SVEP1: variants seen among roughly 807,000 people sequenced by gnomAD.
SVEP1 encodes the protein sushi, von Willebrand factor type A, EGF and pentraxin domain containing 1.
A neutral mutation model predicts 367.3 loss-of-function variants in SVEP1; 164 were observed. That is an observed-to-expected ratio of 0.45 (90% confidence interval 0.39 to 0.51). The LOEUF (loss-of-function observed/expected upper bound fraction) is 0.51, where lower values mean the gene tolerates loss of function less well. SVEP1 is among the 20% of genes least tolerant of loss of function. The pLI, the probability that SVEP1 is intolerant of heterozygous loss-of-function variation, is 0.00. For synonymous variants in SVEP1, 1,666 were observed against 1,611.6 expected (o/e 1.03, Z -0.81); for missense variants, 4,117 against 4,425.3 (o/e 0.93, Z 1.98).
chr9:110,471,523 C>T lies in SVEP1; in HGVS notation c.2839G>A (p.Glu947Lys). 2 of 1,613,892 alleles carry T rather than the reference C, an allele frequency of 1.2e-6. No homozygotes were observed. Among genetic ancestry groups the T allele is most frequent in the Non-Finnish European group, 1.7e-6 (2 of 1,179,858 alleles). ...CTTTTCAGTTTATTTGTGATAGTTTCCAATGTCTGAAGGAGTCGTTGCTGA... is the reference window on the plus strand; with the variant it reads ...CTTTTCAGTTTATTTGTGATAGTTTTCAATGTCTGAAGGAGTCGTTGCTGA... ...ENQQRLLQTL[E>K]TITNKLKRTL... The change falls in exon 16 of 48, where the codon GAA becomes AAA. Residue 947 changes from glutamate to lysine, a missense_variant. Physicochemically the swap from Glu to Lys is moderately conservative, Grantham distance 56. Coordinates refer to ENST00000374469, the MANE Select transcript of SVEP1 (RefSeq NM_153366.4).
chr9:110,387,936 A>C (rs964352757), intron 41 of SVEP1, among the ~76,000 whole-genome samples: 1 of 144,366 alleles, frequency 6.9e-6, no homozygotes, highest in Non-Finnish European at 1.5e-5. Context: ...ATAAGTTTAC[A>C]TTTAAATTAT....
rs1588024412 is a variant in SVEP1, at chr9:110,386,010, A to G, written c.10125T>C (p.Tyr3375=). ...ENALLSEKEF[Y]VDQNVSIKCR... The stretch of plus-strand genomic sequence containing the variant: ...ATTTGATGGACACATTCTGATCAAC[A>G]TAAAACTCCTTTTCAGACAGCAGAG... The change falls in exon 43 of 48, where the codon TAT becomes TAC. Residue 3375 remains tyrosine, a synonymous_variant. Coordinates refer to ENST00000374469, the MANE Select transcript of SVEP1 (RefSeq NM_153366.4). 3 of 1,613,996 alleles carry G rather than the reference A, an allele frequency of 1.9e-6. No homozygotes were observed. Among genetic ancestry groups the G allele is most frequent in the African/African-American group, 1.3e-5 (1 of 75,062 alleles).
chr9:110,554,173 T>G (rs1662653155), intron 1 of SVEP1, among the ~76,000 whole-genome samples: 1 of 148,286 alleles, frequency 6.7e-6, no homozygotes, highest in African/African-American at 2.5e-5. Flanking sequence ...AGCTTTATAC[T>G]ATTTTTTTTT....
intron 40 of SVEP1, among the ~76,000 whole-genome samples, chr9:110,393,052 G>A (rs1273666338): frequency 2.6e-5 from 4 of 152,084 alleles, no homozygotes; most frequent in South Asian, 2.1e-4. Context: ...TGGAGTGAGA[G>A]CAATCACTAT....
intron 1 of SVEP1, among the ~76,000 whole-genome samples, chr9:110,553,249 T>C (rs953604290): frequency 1.3e-5 from 2 of 152,150 alleles, no homozygotes; most frequent in African/African-American, 2.4e-5. Flanking sequence ...GAAGAGGTAA[T>C]ATTTCTCAAC....
At chr9:110,403,306 T>TTTTTTTTTTTTTTG (rs1564132077) in intron 39 of SVEP1, among the ~76,000 whole-genome samples, 4 of 129,202 alleles carry the variant, frequency 3.1e-5, no homozygotes, top group Non-Finnish European at 6.4e-5. Flanking sequence ...GTTTTTTTTT[T>TTTTTTTTTTTTTTG]TTTTTTTTTT....
At chr9:110,451,220 A>T (rs1277397171) in intron 23 of SVEP1, 69 bp downstream of exon 23, 4 of 1,245,226 alleles carry the variant, frequency 3.2e-6, no homozygotes, top group Non-Finnish European at 4.6e-6. Context: ...TATATATGTT[A>T]AGAAATGTAC....
At chr9:110,387,218 T>C (rs1187397288) in intron 42 of SVEP1, 67 bp downstream of exon 42, 24 of 1,472,782 alleles carry the variant, frequency 1.6e-5, no homozygotes, top group Non-Finnish European at 2.1e-5. Flanking sequence ...CCTCTATGTT[T>C]TGGATATGCG....
chr9:110,423,043 C>T (rs1280404400), intron 36 of SVEP1, among the ~76,000 whole-genome samples: 89 of 131,386 alleles, frequency 6.8e-4, no homozygotes, highest in African/African-American at 2.2e-3. Flanking sequence ...GTGGGTGCAG[C>T]GCACCAGCAT....
At chr9:110,390,336 C>CTTATATAAGTATGTGTATATAT (rs1288152358) in intron 40 of SVEP1, among the ~76,000 whole-genome samples, 1 of 22,998 alleles carries the variant, frequency 4.3e-5, no homozygotes, top group African/African-American at 3.3e-4. Context: ...TATATATACA[C>CTTATATAAGTATGTGTATATAT]ATACTTATAT....
At chr9:110,397,427 C>G (rs1448296422) in intron 40 of SVEP1, among the ~76,000 whole-genome samples, 2 of 152,176 alleles carry the variant, frequency 1.3e-5, no homozygotes, top group African/African-American at 4.8e-5. Context: ...CCCTTGAAAA[C>G]TGGCATAAGA....
intron 14 of SVEP1, among the ~76,000 whole-genome samples, chr9:110,474,941 AAT>A (rs1829076148): frequency 6.6e-6 from 1 of 151,306 alleles, no homozygotes; most frequent in South Asian, 2.1e-4. Flanking sequence ...GTATATACAC[AAT>A]AAGCAGTTTT....
chr9:110,505,988 G>A (rs1037791461), intron 5 of SVEP1, among the ~76,000 whole-genome samples: 2 of 151,924 alleles, frequency 1.3e-5, no homozygotes, highest in Non-Finnish European at 2.9e-5. Context: ...CCTCTGACAG[G>A]CTCCAGTGTG....
Position 110,579,203 on chromosome 9 carries a change from G to A in SVEP1, c.341C>T (p.Pro114Leu). Residue 114 changes from proline (P) to leucine (L), a missense_variant, in exon 1 of 48, where the codon CCC (proline) becomes CTC (leucine). Transcript: ENST00000374469. The surrounding 1 kb of genome is among the most constrained non-coding windows in gnomAD (Gnocchi z 5.3). ...CACGCGCGTGGCCGTGGGCACCACG[G>A]GGAAGTCGGACAGCAGCTTGCGGAC... ...MFVRKLLSDFPVVPTATRVAI... is the reference protein window; with the variant it reads ...MFVRKLLSDFLVVPTATRVAI... 6.4e-7 allele frequency: 1 copy of A among 1,571,504 alleles called. No individual in the cohort carries two copies. The highest frequency in any genetic ancestry group is 8.6e-7 in the Non-Finnish European group (1 of 1,159,030).
At position 110,388,893 on chromosome 9, in the gene SVEP1, C is replaced by T. The variant is rs12236960; in HGVS notation, c.9886+631G>A. ...CTGAGGCATGAGAGTCCCTTGAGCC[C>T]GGGAAGTGGAGGTTGCAGTGAGCTG... On this transcript the variant is annotated intron_variant, in intron 41 of 47. Transcript: ENST00000374469. Among the ~76,000 whole-genome samples the T allele has an allele frequency of 0.017, 2,642 of 152,204 alleles. 196 individuals carry two copies. In the East Asian group the frequency reaches 0.25, roughly 14 times the overall value.
chr9:110,476,236 T>A lies in SVEP1; in HGVS notation c.2567A>T (p.Tyr856Phe). ...AAAGCCATTTTCATAGTCATAATTATATTCTAGGCAATATTTTTTGGTCAG... is the reference window on the plus strand; with the variant it reads ...AAAGCCATTTTCATAGTCATAATTAAATTCTAGGCAATATTTTTTGGTCAG... ...ENLTKKYCLEYNYDYENGFAI... is the reference protein window; with the variant it reads ...ENLTKKYCLEFNYDYENGFAI... The change falls in exon 14 of 48, where the codon TAT becomes TTT. Residue 856 changes from tyrosine to phenylalanine, a missense_variant. Tyr to Phe is a conservative substitution (Grantham distance 22). Transcript: ENST00000374469. 1 of 1,613,256 alleles carries A rather than the reference T, an allele frequency of 6.2e-7. No homozygotes were observed. The highest frequency in any genetic ancestry group is 1.7e-5 in the Admixed American group (1 of 59,978).
At chr9:110,561,865 T>C (rs923063054) in intron 1 of SVEP1, among the ~76,000 whole-genome samples, 2 of 152,202 alleles carry the variant, frequency 1.3e-5, no homozygotes, top group Non-Finnish European at 2.9e-5. Context: ...TTGGGCTTCA[T>C]AGACTGAGAG....
rs1225861645 is a variant in SVEP1, at chr9:110,450,211, T to A, written c.3951A>T (p.Leu1317Phe). 1.2e-6 allele frequency: 2 copies of A among 1,613,884 alleles called. No homozygotes were observed. Among genetic ancestry groups the A allele is most frequent in the South Asian group, 2.2e-5 (2 of 91,078 alleles). The change falls in exon 24 of 48, where the codon TTA becomes TTT. Residue 1317 changes from leucine (L) to phenylalanine (F), a missense_variant. Leu to Phe is a conservative substitution (Grantham distance 22). This residue lies in a region of SVEP1 where 2,174 missense variants were observed against 2,494.3 expected (regional missense o/e 0.87). Transcript: ENST00000374469. ...CCTGGTCTTCACAGACTGCATTATTTAAGCATGGGTTTGACTGGCATTCAT... is the reference window on the plus strand; with the variant it reads ...CCTGGTCTTCACAGACTGCATTATTAAAGCATGGGTTTGACTGGCATTCAT... ...EVNECQSNPC[L>F]NNAVCEDQVG... is the part of the protein sequence containing the mutation.
chr9:110,466,066 T>C, intron 17 of SVEP1, 40 bp from the exon 18 acceptor site: 1 of 1,586,628 alleles, frequency 6.3e-7, no homozygotes, highest in Non-Finnish European at 8.6e-7. Context: ...ATAATGATAT[T>C]AAGCTGCATA....
Sources: gnomAD v4.1 joint callset for allele counts (sites outside exome capture counted in the v4.1 genomes callset) on GRCh38, gnomAD v4.1.1 for gene constraint, gnomAD v4.1.1 regional missense constraint, Gnocchi (gnomAD v3.1) non-coding constraint, MANE v1.5 for transcripts, NCBI Gene and HGNC (gene_info 2026-07-23, HGNC 2026-07-21) for gene names.